The following LYST variants were observed in gnomAD, a reference collection of about 807,000 sequenced individuals.
The protein encoded by LYST is lysosomal trafficking regulator, also known as lysosomal-trafficking regulator.
In LYST, 192 loss-of-function variants were observed where a neutral mutation model predicts 413.6. The ratio of observed to expected loss-of-function variants is 0.46; its 90% CI spans 0.41 to 0.52. The LOEUF (loss-of-function observed/expected upper bound fraction) is 0.52, where lower values mean the gene tolerates loss of function less well. Ranked by LOEUF, LYST falls within the 20% of genes least tolerant of loss-of-function variation. The pLI, the probability that LYST is intolerant of heterozygous loss-of-function variation, is 0.00. For missense variants in LYST, 3,815 were observed against 4,499.9 expected, an observed-to-expected ratio of 0.85 and a Z score of 4.35; for synonymous variants, 1,525 against 1,567.3, an observed-to-expected ratio of 0.97 and a Z score of 0.64.
At chr1:235,798,578 TAA>T (rs71174462) in intron 10 of LYST, among the ~76,000 whole-genome samples, 35 of 81,660 alleles carry the variant, frequency 4.3e-4, no homozygotes, top group Non-Finnish European at 6.5e-4. Context: ...AACCCTGTCA[TAA>T]AAAAAAAAAA....
chr1:235,722,715 A>C (rs1486995716), intron 39 of LYST, among the ~76,000 whole-genome samples: 6 of 152,006 alleles, frequency 3.9e-5, no homozygotes, highest in Non-Finnish European at 7.4e-5. Flanking sequence ...TGAACTCCTG[A>C]CCTCATGATC....
chr1:235,809,581 T>C lies in LYST; in HGVS notation c.1237A>G (p.Ile413Val), dbSNP rs199934732. The C allele has an allele frequency of 2.5e-6, 4 of 1,614,026 alleles. No homozygotes were observed. The highest frequency in any genetic ancestry group is 3.4e-6 in the Non-Finnish European group (4 of 1,179,958). Residue 413 changes from isoleucine to valine, a missense_variant, in exon 5 of 53, where the codon ATC becomes GTC. Around this residue, in one of 4 missense-constraint regions of LYST, gnomAD observed 1,648 missense variants for 1,810.3 expected, o/e 0.91. Coordinates refer to ENST00000389793, the MANE Select transcript of LYST (RefSeq NM_000081.4). This position sits in a 1 kb window ranked among gnomAD's most constrained non-coding sequence, Gnocchi z 4.0. ...ELLEGVLQIL[I>V]CCLQSAASNP... ...GAAGCTGCACTTTGAAGACAACAGA[T>C]CAGAATCTGAAGAACTCCTTCCAAA...
Position 235,662,833 on chromosome 1 carries a change from G to C in LYST, c.*107C>G. The C allele has an allele frequency of 1.3e-6, 1 of 782,214 alleles. No homozygotes were observed. Among genetic ancestry groups the C allele is most frequent in the Non-Finnish European group, 2.4e-6 (1 of 424,932 alleles). The allele number at this position is 782,214 out of a possible 1,614,324, so 48.5% of individuals were successfully genotyped here. A position where few individuals can be genotyped will look rare whatever the true frequency, so the allele number is the denominator to read the frequency against. Reference sequence around the variant, plus strand: ...AATAGACTTTATCATTATTTGGATGGTTTGTCCAGTCATCCATTTCTTTAG... The same window carrying C: ...AATAGACTTTATCATTATTTGGATGCTTTGTCCAGTCATCCATTTCTTTAG... On this transcript the variant is annotated 3_prime_UTR_variant, in exon 53 of 53. Coordinates refer to ENST00000389793, the MANE Select transcript of LYST (RefSeq NM_000081.4).
In LYST at chr1:235,682,416, C is replaced by T. The variant is rs1374716667; in HGVS notation, c.10800+4533G>A. Among the ~76,000 whole-genome samples, 4 of 152,126 alleles carry T rather than the reference C, an allele frequency of 2.6e-5. No homozygotes were observed. The East Asian group carries it at 7.7e-4, about 29-fold the overall frequency. On this transcript the variant is annotated intron_variant, in intron 48 of 52. Transcript: ENST00000389793. Reference sequence around the variant, plus strand: ...GCTGGCGGACATGGAGAGGAAGCCCCAGAGAAGCATGTGGCGGACAAGCAA... The same window carrying T: ...GCTGGCGGACATGGAGAGGAAGCCCTAGAGAAGCATGTGGCGGACAAGCAA...
intron 1 of LYST, among the ~76,000 whole-genome samples, chr1:235,836,084 G>A (rs996311041): frequency 1.3e-5 from 2 of 152,112 alleles, no homozygotes; most frequent in African/African-American, 2.4e-5. Context: ...GAAAAATAAT[G>A]TTTCACTTTT....
Position 235,809,934 on chromosome 1 carries a change from C to G in LYST, c.884G>C (p.Gly295Ala). ...VVPTLTEFLA[G>A]FGDCCSLSDN... is the part of the protein sequence containing the mutation. Reference sequence around the variant, plus strand: ...GCTCAGACTGCAGCAGTCCCCAAAGCCTGCTAGGAATTCAGTTAGTGTGGG... The same window carrying G: ...GCTCAGACTGCAGCAGTCCCCAAAGGCTGCTAGGAATTCAGTTAGTGTGGG... Residue 295 changes from glycine (G) to alanine (A), a missense_variant, in exon 5 of 53, where the codon GGC (glycine) becomes GCC (alanine). By Grantham distance (60) the Gly-to-Ala change is moderately conservative. Transcript: ENST00000389793. This position sits in a 1 kb window ranked among gnomAD's most constrained non-coding sequence, Gnocchi z 4.0. The G allele has an allele frequency of 6.2e-7, 1 of 1,613,904 alleles. No individual in the cohort carries two copies. The highest frequency in any genetic ancestry group is 8.5e-7 in the Non-Finnish European group (1 of 1,179,948).
chr1:235,776,567 C>T (rs1669262080), intron 17 of LYST, among the ~76,000 whole-genome samples: 1 of 152,122 alleles, frequency 6.6e-6, no homozygotes, highest in Non-Finnish European at 1.5e-5. Flanking sequence ...TCTATAATTA[C>T]TGACTGTCTA....
In LYST at chr1:235,720,833, C is replaced by T. The variant is rs897653184; in HGVS notation, c.9388G>A (p.Ala3130Thr). Residue 3130 changes from alanine (A) to threonine (T), a missense_variant, in exon 40 of 53, where the codon GCT becomes ACT. Ala to Thr is a moderately conservative substitution (Grantham distance 58). Around this residue, in one of 4 missense-constraint regions of LYST, gnomAD observed 866 missense variants for 1,156.0 expected, o/e 0.75. Coordinates refer to ENST00000389793, the MANE Select transcript of LYST (RefSeq NM_000081.4). ...PNLLEYGNIT[A>T]LTNLWYTGQI... is the part of the protein sequence containing the mutation. ...CCAGTATACCATAAATTTGTCAGAG[C>T]GGTGATGTTACCATATTCCAGAAGA... 3 of 1,613,652 alleles carry T rather than the reference C, an allele frequency of 1.9e-6. No homozygotes were observed. The highest frequency in any genetic ancestry group is 2.2e-5 in the East Asian group (1 of 44,848).
At chr1:235,807,777 T>C (rs1673030917) in intron 5 of LYST, among the ~76,000 whole-genome samples, 1 of 152,142 alleles carries the variant, frequency 6.6e-6, no homozygotes, top group South Asian at 2.1e-4. Context: ...ATTTTAATAT[T>C]CTTATTTTTG....
intron 5 of LYST, among the ~76,000 whole-genome samples, chr1:235,808,190 G>GCATACATA (rs2102875911): frequency 1.3e-5 from 2 of 152,220 alleles, no homozygotes; most frequent in South Asian, 4.1e-4. Flanking sequence ...TCTATAAACA[G>GCATACATA]CTCAGTAAAA....
chr1:235,809,991 T>C lies in LYST; in HGVS notation c.827A>G (p.Asn276Ser). Residue 276 changes from asparagine to serine, a missense_variant, in exon 5 of 53, where the codon AAT becomes AGT. This residue lies in a region of LYST where 1,648 missense variants were observed against 1,810.3 expected (regional missense o/e 0.91). Transcript: ENST00000389793. This position sits in a 1 kb window ranked among gnomAD's most constrained non-coding sequence, Gnocchi z 4.0. ...EKVCKFDVTLNHNSPLAASVV... is the reference protein window; with the variant it reads ...EKVCKFDVTLSHNSPLAASVV... ...ACTGGCTGCTAAAGGAGAATTATGA[T>C]TCAAGGTAACGTCAAACTTACAAAC... 1 of 1,613,910 alleles carries C rather than the reference T, an allele frequency of 6.2e-7. No homozygotes were observed. The highest frequency in any genetic ancestry group is 8.5e-7 in the Non-Finnish European group (1 of 1,179,922).
chr1:235,702,146 T>TATAAC (rs1431034732), intron 45 of LYST, among the ~76,000 whole-genome samples: 1 of 152,256 alleles, frequency 6.6e-6, no homozygotes, highest in Non-Finnish European at 1.5e-5. Flanking sequence ...ATGCTGTTTT[T>TATAAC]ATAACGAAGA....
intron 31 of LYST, chr1:235,738,640 T>C: frequency 6.2e-7 from 1 of 1,607,868 alleles, no homozygotes; most frequent in Non-Finnish European, 8.5e-7. Flanking sequence ...CTCAAGACTC[T>C]GCACCCAGAT....
intron 3 of LYST, among the ~76,000 whole-genome samples, chr1:235,823,225 T>G (rs951705125): frequency 1.3e-5 from 2 of 152,192 alleles, no homozygotes; most frequent in Non-Finnish European, 2.9e-5. Context: ...GTCGAGTGGT[T>G]AAGATTTCCA....
At chr1:235,841,518 C>T (rs529120777) in intron 1 of LYST, among the ~76,000 whole-genome samples, 2 of 152,214 alleles carry the variant, frequency 1.3e-5, no homozygotes, top group Non-Finnish European at 1.5e-5. Flanking sequence ...TGGGCAAATG[C>T]TACACATTAG....
intron 23 of LYST, among the ~76,000 whole-genome samples, 168 bp downstream of exon 23, chr1:235,758,799 TTAAAA>T (rs1667284425): frequency 6.6e-6 from 1 of 152,346 alleles, no homozygotes; most frequent in East Asian, 1.9e-4. Context: ...TTATCTAGTC[TTAAAA>T]TAAGGAAAAA....
Position 235,662,477 on chromosome 1 carries a change from C to T in LYST, c.*463G>A, listed in dbSNP as rs373811121. 4.1e-5 allele frequency: 7 copies of T among 168,858 alleles called. No homozygotes were observed. The East Asian group carries it at 4.9e-4, about 12-fold the overall frequency. The allele number at this position is 168,858 out of a possible 1,614,324, so 10.5% of individuals were successfully genotyped here. A position where few individuals can be genotyped will look rare whatever the true frequency, so the allele number is the denominator to read the frequency against. ...CAAGTCCTAAAAATTATCTTTTTTT[C>T]TTTCCTCTTTTGGAGCATGTGTGTG... On this transcript the variant is annotated 3_prime_UTR_variant, in exon 53 of 53. Coordinates refer to ENST00000389793, the MANE Select transcript of LYST (RefSeq NM_000081.4).
intron 31 of LYST, chr1:235,738,949 C>A: frequency 1.4e-6 from 1 of 729,272 alleles, no homozygotes; most frequent in Non-Finnish European, 2.6e-6. Context: ...AAGAACAGTG[C>A]AGATCCACTT....
At chr1:235,817,406 A>G (rs1384709983) in intron 3 of LYST, among the ~76,000 whole-genome samples, 1 of 152,202 alleles carries the variant, frequency 6.6e-6, no homozygotes, top group Non-Finnish European at 1.5e-5. Context: ...CCATTCTACC[A>G]TAAAGACAAA....
Sources: allele counts gnomAD v4.1 joint callset (sites outside exome capture counted in the v4.1 genomes callset), GRCh38; gene constraint gnomAD v4.1.1; regional missense constraint gnomAD v4.1.1; non-coding constraint Gnocchi (gnomAD v3.1); transcripts MANE v1.5; gene names NCBI Gene and HGNC (gene_info 2026-07-23, HGNC 2026-07-21).